The following ATG10 variants were observed in gnomAD, a reference collection of about 807,000 sequenced individuals.
ATG10 encodes the protein autophagy related 10, also known as ubiquitin-like-conjugating enzyme ATG10.
Under a neutral mutation model 32.1 loss-of-function variants are expected in ATG10, and 30 were observed. The observed-to-expected ratio is 0.94, with a 90% CI of 0.70 to 1.27. The LOEUF (loss-of-function observed/expected upper bound fraction) is 1.27. ATG10 is among the 50% of genes most tolerant of loss of function. The pLI, the probability that ATG10 is intolerant of heterozygous loss-of-function variation, is 0.00. For synonymous variants in ATG10, 87 were observed against 91.5 expected (o/e 0.95, Z 0.28); for missense variants, 233 against 262.3 (o/e 0.89, Z 0.77).
chr5:82,110,976 G>T (rs1765601327), intron 3 of ATG10, among the ~76,000 whole-genome samples: 1 of 151,952 alleles, frequency 6.6e-6, no homozygotes, highest in African/African-American at 2.4e-5. Context: ...TAGAAGATCT[G>T]TCTGAAGTTA....
chr5:82,147,064 T>C (rs1463280007), intron 3 of ATG10: 1 of 152,832 alleles, frequency 6.5e-6, no homozygotes, highest in Non-Finnish European at 1.5e-5. Context: ...AATATTGATG[T>C]TCAGGAAAAA....
intron 3 of ATG10, among the ~76,000 whole-genome samples, chr5:82,107,061 A>G (rs1300661988): frequency 6.6e-6 from 1 of 152,098 alleles, no homozygotes; most frequent in Non-Finnish European, 1.5e-5. Flanking sequence ...GGGTACTCAG[A>G]ATAACTCTGT....
intron 3 of ATG10, among the ~76,000 whole-genome samples, chr5:82,091,058 T>A (rs531592008): frequency 5.3e-5 from 8 of 152,308 alleles, no homozygotes; most frequent in African/African-American, 1.4e-4. Context: ...TTTGTAATTT[T>A]ACAGAGAGCT....
At chr5:82,126,932 G>A (rs934775745) in intron 3 of ATG10, among the ~76,000 whole-genome samples, 6 of 152,152 alleles carry the variant, frequency 3.9e-5, no homozygotes, top group African/African-American at 1.4e-4. Flanking sequence ...TGGTTGATAG[G>A]CTATTAATTA....
At chr5:82,143,240 C>A (rs1184128839) in intron 3 of ATG10, among the ~76,000 whole-genome samples, 3 of 152,200 alleles carry the variant, frequency 2.0e-5, no homozygotes, top group Non-Finnish European at 2.9e-5. Context: ...TTTATCAGGG[C>A]CTTCCTTGTG....
chr5:82,096,541 G>C (rs1765072214), intron 3 of ATG10, among the ~76,000 whole-genome samples: 1 of 152,074 alleles, frequency 6.6e-6, no homozygotes. Context: ...CTTGATGAGA[G>C]CATGGACCAG....
intron 5 of ATG10, among the ~76,000 whole-genome samples, chr5:82,251,933 A>G (rs1180316009): frequency 1.3e-5 from 2 of 152,118 alleles, no homozygotes. Flanking sequence ...GGCTTGGGAG[A>G]GACAGAAGGA....
At chr5:82,036,433 A>C (rs1038595884) in intron 2 of ATG10, among the ~76,000 whole-genome samples, 3 of 152,064 alleles carry the variant, frequency 2.0e-5, no homozygotes, top group African/African-American at 7.2e-5. Context: ...ATCTCTACTA[A>C]AAATACAAAA....
chr5:81,982,978 C>T (rs573266687), intron 1 of ATG10, among the ~76,000 whole-genome samples: 3 of 152,374 alleles, frequency 2.0e-5, no homozygotes, highest in South Asian at 2.1e-4. Context: ...CGGCAACCAT[C>T]CCATTTCTCA....
chr5:82,185,522 A>G (rs779503940), intron 5 of ATG10, among the ~76,000 whole-genome samples: 1 of 152,188 alleles, frequency 6.6e-6, no homozygotes, highest in Non-Finnish European at 1.5e-5. Context: ...AATACCACTG[A>G]GTTCCTTTTG....
chr5:82,128,664 G>C (rs753849079), intron 3 of ATG10, among the ~76,000 whole-genome samples: 11 of 133,320 alleles, frequency 8.3e-5, no homozygotes, highest in African/African-American at 1.7e-4. Flanking sequence ...TCCACTGTTG[G>C]GCTTCCCCGC....
intron 1 of ATG10, among the ~76,000 whole-genome samples, chr5:81,979,807 A>C (rs899210827): frequency 6.7e-6 from 1 of 149,956 alleles, no homozygotes; most frequent in East Asian, 2.0e-4. Flanking sequence ...TTTTAGAAAC[A>C]TGGTGAATTC....
intron 3 of ATG10, among the ~76,000 whole-genome samples, chr5:82,122,769 C>T (rs1005413154): frequency 6.6e-6 from 1 of 152,182 alleles, no homozygotes; most frequent in African/African-American, 2.4e-5. Flanking sequence ...TGCTCAATGT[C>T]TCTGATCATT....
chr5:82,056,859 A>G (rs1763619002), intron 2 of ATG10, among the ~76,000 whole-genome samples: 1 of 152,214 alleles, frequency 6.6e-6, no homozygotes, highest in South Asian at 2.1e-4. Flanking sequence ...CAATGACAAC[A>G]GTCATTACAT....
At chr5:82,124,790 C>A (rs1304799899) in intron 3 of ATG10, among the ~76,000 whole-genome samples, 1 of 151,952 alleles carries the variant, frequency 6.6e-6, no homozygotes, top group African/African-American at 2.4e-5. Flanking sequence ...ATTTATAATC[C>A]TTTGGATATA....
chr5:82,137,439 C>T (rs1300952587), intron 3 of ATG10, among the ~76,000 whole-genome samples: 1 of 152,170 alleles, frequency 6.6e-6, no homozygotes. Context: ...ATGTTCCTTT[C>T]TGTTTCTTAC....
At chr5:82,172,087 A>G (rs1743829205) in intron 4 of ATG10, among the ~76,000 whole-genome samples, 2 of 152,208 alleles carry the variant, frequency 1.3e-5, no homozygotes, top group African/African-American at 4.8e-5. Context: ...GGATTTGTCC[A>G]TGAGTGATAG....
intron 3 of ATG10, among the ~76,000 whole-genome samples, chr5:82,100,007 T>TTG (rs1381670934): frequency 1.6e-5 from 2 of 126,510 alleles, no homozygotes; most frequent in African/African-American, 3.2e-5. Flanking sequence ...TGTGTTTTTT[T>TTG]TTTTTTTTTT....
At chr5:82,242,885 A>G in intron 5 of ATG10, 1 of 444,308 alleles carries the variant, frequency 2.3e-6, no homozygotes, top group Non-Finnish European at 4.5e-6. Flanking sequence ...GAAAAATGGT[A>G]AGCAAAAAGA....
Sources: allele counts gnomAD v4.1 joint callset (sites outside exome capture counted in the v4.1 genomes callset), GRCh38; gene constraint gnomAD v4.1.1; transcripts MANE v1.5; gene names NCBI Gene and HGNC (gene_info 2026-07-23, HGNC 2026-07-21).